NFIB: variants seen among roughly 807,000 people sequenced by gnomAD.
The protein encoded by NFIB is nuclear factor I B, also known as nuclear factor 1 B-type.
In NFIB, 11 loss-of-function variants were observed where a neutral mutation model predicts 61.5. The observed-to-expected ratio is 0.18, with a 90% CI of 0.11 to 0.30. The LOEUF is 0.30. Among genes scored for constraint, NFIB ranks in the 10% least tolerant of loss-of-function variants. NFIB has a pLI of 1.00. For synonymous variants in NFIB, 260 were observed against 216.5 expected, an observed-to-expected ratio of 1.20 and a Z score of -1.76; for missense variants, 471 against 608.9, an observed-to-expected ratio of 0.77 and a Z score of 2.38.
the NFIB span, among the ~76,000 whole-genome samples, chr9:14,476,443 T>C: frequency 5.3e-5 from 8 of 152,202 alleles, no homozygotes; most frequent in African/African-American, 1.9e-4. Context: ...TCAGTGTTCA[T>C]GCTCAGGCCT....
chr9:14,514,705 A>G, the NFIB span, among the ~76,000 whole-genome samples: 6 of 152,238 alleles, frequency 3.9e-5, no homozygotes, highest in East Asian at 1.2e-3. Flanking sequence ...CAGCTAAAAT[A>G]TTCTTTTTAT....
chr9:14,310,371 A>T (rs933922473), intron 1 of NFIB, among the ~76,000 whole-genome samples: 1 of 152,148 alleles, frequency 6.6e-6, no homozygotes, highest in Non-Finnish European at 1.5e-5. Flanking sequence ...TGACAAGGGG[A>T]CATATCCTCC....
intron 2 of NFIB, among the ~76,000 whole-genome samples, chr9:14,255,549 G>A (rs909298272): frequency 6.6e-6 from 1 of 152,110 alleles, no homozygotes; most frequent in Non-Finnish European, 1.5e-5. Context: ...ACCAGATATG[G>A]GCTGGTAAGA....
chr9:14,145,303 C>T (rs1353325500), intron 6 of NFIB, among the ~76,000 whole-genome samples: 4 of 152,088 alleles, frequency 2.6e-5, no homozygotes, highest in Non-Finnish European at 4.4e-5. Flanking sequence ...TGTCTCAGTT[C>T]CCACCACCAC....
At chr9:14,415,825 C>A in the NFIB span, among the ~76,000 whole-genome samples, 2 of 152,094 alleles carry the variant, frequency 1.3e-5, no homozygotes, top group African/African-American at 4.8e-5. Context: ...GGAGACACCC[C>A]CGTATGGTAC....
intron 2 of NFIB, among the ~76,000 whole-genome samples, chr9:14,188,717 C>A (rs1215248614): frequency 6.6e-6 from 1 of 152,188 alleles, no homozygotes; most frequent in African/African-American, 2.4e-5. Context: ...CTTTCCAAAA[C>A]CCAGCCAGAT....
intron 10 of NFIB, among the ~76,000 whole-genome samples, chr9:14,104,418 TGTTTTTTTTTTACA>T (rs2036244844): frequency 6.6e-6 from 1 of 151,896 alleles, no homozygotes; most frequent in African/African-American, 2.4e-5. Flanking sequence ...AATTGTCTTC[TGTTTTTTTTTTACA>T]GTTTTTTTTA....
chr9:14,341,960 G>T (rs1436855547), intron 1 of NFIB, among the ~76,000 whole-genome samples: 2 of 149,720 alleles, frequency 1.3e-5, no homozygotes, highest in East Asian at 3.9e-4. Flanking sequence ...AAAAAAATCA[G>T]TCATTTTGAC....
chr9:14,501,239 G>A, the NFIB span, among the ~76,000 whole-genome samples: 10 of 151,988 alleles, frequency 6.6e-5, no homozygotes, highest in Non-Finnish European at 1.2e-4. Context: ...CTCTCTTTCC[G>A]CTCCTATGAT....
chr9:14,119,891 T>C (rs2119143195), intron 8 of NFIB, among the ~76,000 whole-genome samples: 1 of 152,134 alleles, frequency 6.6e-6, no homozygotes, highest in Middle Eastern at 3.4e-3. Flanking sequence ...GCACAATGTT[T>C]CCAAAAAAAA....
At chr9:14,090,565 T>C (rs1263255978) in intron 10 of NFIB, among the ~76,000 whole-genome samples, 1 of 152,114 alleles carries the variant, frequency 6.6e-6, no homozygotes, top group Non-Finnish European at 1.5e-5. Context: ...TCTATCTTTA[T>C]AGAGTCTGAG....
chr9:14,415,889 A>G, the NFIB span, among the ~76,000 whole-genome samples: 1 of 152,080 alleles, frequency 6.6e-6, no homozygotes, highest in Non-Finnish European at 1.5e-5. Flanking sequence ...ACAGATGGAA[A>G]TTGGCCACTG....
At chr9:14,384,802 TTTACAGTCC>T (rs1231004621) in intron 1 of NFIB, among the ~76,000 whole-genome samples, 1 of 152,142 alleles carries the variant, frequency 6.6e-6, no homozygotes, top group Non-Finnish European at 1.5e-5. Context: ...GATCAGTAGC[TTTACAGTCC>T]TTGCATTTAT....
chr9:14,500,374 G>A, the NFIB span, among the ~76,000 whole-genome samples: 1 of 152,128 alleles, frequency 6.6e-6, no homozygotes. Flanking sequence ...CTTGGGGCTT[G>A]TACAAAATTA....
intron 10 of NFIB, among the ~76,000 whole-genome samples, chr9:14,099,284 G>A (rs889053325): frequency 6.6e-6 from 1 of 152,018 alleles, no homozygotes; most frequent in African/African-American, 2.4e-5. Context: ...TCGTGACAAA[G>A]GCAAATTATT....
chr9:14,254,284 G>C (rs972585558), intron 2 of NFIB, among the ~76,000 whole-genome samples: 6 of 132,820 alleles, frequency 4.5e-5, no homozygotes, highest in African/African-American at 1.6e-4. Context: ...CTGGGCAACA[G>C]AGTGACACTG....
the NFIB span, among the ~76,000 whole-genome samples, chr9:14,466,428 C>G: frequency 2.6e-5 from 4 of 152,026 alleles, no homozygotes; most frequent in African/African-American, 9.7e-5. Flanking sequence ...GGTCTAGGAA[C>G]ACGGCACTCT....
intron 1 of NFIB, among the ~76,000 whole-genome samples, chr9:14,341,405 A>T (rs1336125534): frequency 6.6e-6 from 1 of 152,218 alleles, no homozygotes; most frequent in Non-Finnish European, 1.5e-5. Context: ...TGGAATGCCC[A>T]AGGAGGGAGA....
chr9:14,278,332 G>A (rs541677971), intron 2 of NFIB, among the ~76,000 whole-genome samples: 76 of 152,344 alleles, frequency 5.0e-4, no homozygotes, highest in African/African-American at 1.7e-3. Flanking sequence ...GTGGTCCATT[G>A]TTAATTGAGT....
Sources: allele counts gnomAD v4.1 joint callset (sites outside exome capture counted in the v4.1 genomes callset), GRCh38; gene constraint gnomAD v4.1.1; transcripts MANE v1.5; gene names NCBI Gene and HGNC (gene_info 2026-07-23, HGNC 2026-07-21).